Variants in SPIDR observed in about 807,000 individuals in gnomAD.
SPIDR encodes scaffold protein involved in DNA repair.
SPIDR carries 93 observed loss-of-function variants against 104.6 expected under a neutral mutation model. The ratio of observed to expected loss-of-function variants is 0.89; its 90% CI spans 0.75 to 1.06. SPIDR has a LOEUF of 1.06. Among genes scored for constraint, SPIDR ranks in the 50% least tolerant of loss-of-function variants. The probability of loss-of-function intolerance (pLI) is 0.00; values close to 1 mark genes in which losing one functional copy is unlikely to be tolerated. For synonymous variants in SPIDR, 431 were observed against 416.9 expected (o/e 1.03, Z -0.41); for missense variants, 1,154 against 1,111.2 (o/e 1.04, Z -0.55).
intron 5 of SPIDR, among the ~76,000 whole-genome samples, chr8:47,361,843 A>G (rs1460627101): frequency 6.6e-6 from 1 of 152,162 alleles, no homozygotes; most frequent in African/African-American, 2.4e-5. Flanking sequence ...TTGGCTCCAT[A>G]TGGTTTGAGA....
chr8:47,692,487 C>CTTTTTTTTT (rs1171012398), intron 11 of SPIDR, among the ~76,000 whole-genome samples: 13 of 119,282 alleles, frequency 1.1e-4, no homozygotes, highest in South Asian at 2.7e-4. Context: ...TCAGAATTTC[C>CTTTTTTTTT]TTTTTTTTTT....
chr8:47,410,161 A>G (rs924509454), intron 7 of SPIDR, among the ~76,000 whole-genome samples: 1 of 151,834 alleles, frequency 6.6e-6, no homozygotes, highest in Admixed American at 6.6e-5. Context: ...ACCCAAGAAT[A>G]CTTTTTCTTT....
chr8:47,317,851 C>A (rs1417785940), intron 5 of SPIDR, among the ~76,000 whole-genome samples: 2 of 152,258 alleles, frequency 1.3e-5, no homozygotes, highest in East Asian at 3.9e-4. Context: ...TGGAGTGGAC[C>A]TCCAGCAAAC....
chr8:47,736,043 T>G lies in SPIDR; in HGVS notation c.*593T>G, dbSNP rs955864378. On this transcript the variant is annotated 3_prime_UTR_variant, in exon 20 of 20. Coordinates refer to ENST00000297423, the MANE Select transcript of SPIDR (RefSeq NM_001080394.4). ...TCTGCTGAATGGTGGTGGGGATAGC[T>G]GGCTCCACCACACACACCTGTTTTA... 14 of 162,994 alleles carry G rather than the reference T, an allele frequency of 8.6e-5. No homozygotes were observed. The highest frequency in any genetic ancestry group is 3.1e-4 in the African/African-American group (13 of 41,628). The allele number at this position is 162,994 out of a possible 1,614,324, so 10.1% of individuals were successfully genotyped here. A position where few individuals can be genotyped will look rare whatever the true frequency, so the allele number is the denominator to read the frequency against.
At chr8:47,326,008 T>C (rs962811739) in intron 5 of SPIDR, among the ~76,000 whole-genome samples, 2 of 152,152 alleles carry the variant, frequency 1.3e-5, no homozygotes, top group African/African-American at 2.4e-5. Flanking sequence ...TTTTTTTCTT[T>C]TAAGACAGGG....
chr8:47,630,824 G>A (rs566454453), intron 10 of SPIDR, among the ~76,000 whole-genome samples: 119 of 152,290 alleles, frequency 7.8e-4, no homozygotes, highest in African/African-American at 2.8e-3. Flanking sequence ...CTGATCCGAC[G>A]TTCCTGGTTC....
chr8:47,497,927 A>T (rs532084067), intron 8 of SPIDR, among the ~76,000 whole-genome samples: 6 of 152,292 alleles, frequency 3.9e-5, no homozygotes, highest in African/African-American at 1.4e-4. Context: ...ATGTTAGTTT[A>T]ACAAAGGGAA....
chr8:47,612,172 GC>G (rs1022693125), intron 10 of SPIDR, among the ~76,000 whole-genome samples: 26 of 152,320 alleles, frequency 1.7e-4, no homozygotes, highest in African/African-American at 6.3e-4. Flanking sequence ...TCTTCTTGAT[GC>G]CTCCCAATGA....
chr8:47,724,040 T>C (rs1387043499), intron 16 of SPIDR, among the ~76,000 whole-genome samples: 1 of 152,232 alleles, frequency 6.6e-6, no homozygotes, highest in East Asian at 1.9e-4. Context: ...TTATTCCTTC[T>C]CTAGTATTCT....
chr8:47,525,346 A>G (rs952398096), intron 8 of SPIDR, among the ~76,000 whole-genome samples: 1 of 152,238 alleles, frequency 6.6e-6, no homozygotes. Context: ...AGGAGCCTGG[A>G]AAACAAAAGG....
At chr8:47,510,041 GA>G (rs2082078257) in intron 8 of SPIDR, among the ~76,000 whole-genome samples, 1 of 152,156 alleles carries the variant, frequency 6.6e-6, no homozygotes, top group Non-Finnish European at 1.5e-5. Flanking sequence ...GTATTATTAA[GA>G]AACTCAAATA....
chr8:47,321,876 A>G (rs1183109935), intron 5 of SPIDR, among the ~76,000 whole-genome samples: 1 of 152,210 alleles, frequency 6.6e-6, no homozygotes, highest in Non-Finnish European at 1.5e-5. Context: ...TGGTGCTGGG[A>G]AAAGTGGCTA....
intron 5 of SPIDR, among the ~76,000 whole-genome samples, chr8:47,359,362 G>T (rs1434574599): frequency 2.0e-5 from 3 of 151,744 alleles, no homozygotes; most frequent in African/African-American, 7.3e-5. Flanking sequence ...CTCTTTTTTG[G>T]AAAGCACCAT....
At chr8:47,593,813 C>T (rs984509651) in intron 8 of SPIDR, among the ~76,000 whole-genome samples, 4 of 152,256 alleles carry the variant, frequency 2.6e-5, no homozygotes, top group Admixed American at 2.6e-4. Context: ...CTGACACCAC[C>T]CTGGCTGGGA....
At chr8:47,496,756 A>G (rs947620683) in intron 8 of SPIDR, among the ~76,000 whole-genome samples, 2 of 115,396 alleles carry the variant, frequency 1.7e-5, no homozygotes, top group African/African-American at 7.0e-5. Flanking sequence ...AAAGATTGTT[A>G]TGAATTTCTC....
intron 5 of SPIDR, among the ~76,000 whole-genome samples, chr8:47,347,047 G>C (rs2052262952): frequency 6.6e-6 from 1 of 152,106 alleles, no homozygotes; most frequent in Non-Finnish European, 1.5e-5. Flanking sequence ...TGTGATGTTA[G>C]GGTGTCGATT....
chr8:47,532,403 C>A (rs371748625), intron 8 of SPIDR, among the ~76,000 whole-genome samples: 14 of 152,290 alleles, frequency 9.2e-5, no homozygotes, highest in South Asian at 6.2e-4. Context: ...AACTCAACTA[C>A]AAGTTGCCTA....
At chr8:47,522,405 CTG>C (rs1331300269) in intron 8 of SPIDR, among the ~76,000 whole-genome samples, 5 of 152,238 alleles carry the variant, frequency 3.3e-5, no homozygotes, top group Admixed American at 1.3e-4. Context: ...AAGAAAATAA[CTG>C]TTTTAAAATT....
intron 5 of SPIDR, among the ~76,000 whole-genome samples, chr8:47,337,235 C>T (rs553469597): frequency 2.4e-4 from 37 of 152,116 alleles, no homozygotes; most frequent in Non-Finnish European, 5.3e-4. Flanking sequence ...TCAACCTGAC[C>T]TTCCACCTCT....
Sources: gnomAD v4.1 joint callset for allele counts (sites outside exome capture counted in the v4.1 genomes callset) on GRCh38, gnomAD v4.1.1 for gene constraint, MANE v1.5 for transcripts, NCBI Gene and HGNC (gene_info 2026-07-23, HGNC 2026-07-21) for gene names.